The following PTGER3 variants were observed in gnomAD, a reference collection of about 807,000 sequenced individuals.
PTGER3 encodes prostaglandin E2 receptor EP3 subtype.
In PTGER3, 22 loss-of-function variants were observed where a neutral mutation model predicts 34.7. That is an observed-to-expected ratio of 0.63 (90% CI 0.45 to 0.91). The LOEUF (loss-of-function observed/expected upper bound fraction) is 0.91, where lower values mean the gene tolerates loss of function less well. Ranked by LOEUF, PTGER3 falls within the 40% of genes least tolerant of loss-of-function variation. The pLI, the probability that PTGER3 is intolerant of heterozygous loss-of-function variation, is 0.00. For synonymous variants in PTGER3, 241 were observed against 230.1 expected (o/e 1.05, Z -0.43); for missense variants, 468 against 519.4 (o/e 0.90, Z 0.96).
intron 4 of PTGER3, among the ~76,000 whole-genome samples, chr1:70,875,490 G>T (rs1487140707): frequency 6.6e-6 from 1 of 152,052 alleles, no homozygotes; most frequent in Non-Finnish European, 1.5e-5. Flanking sequence ...TTTATTTTAG[G>T]TTTAGAGGTA....
intron 4 of PTGER3, among the ~76,000 whole-genome samples, chr1:70,860,769 T>C (rs1645910685): frequency 6.6e-6 from 1 of 151,938 alleles, no homozygotes; most frequent in African/African-American, 2.4e-5. Flanking sequence ...GAAAAGACCA[T>C]GAAAGAGAAC....
chr1:70,957,730 G>A (rs971206887), intron 2 of PTGER3, among the ~76,000 whole-genome samples: 3 of 151,976 alleles, frequency 2.0e-5, no homozygotes, highest in Non-Finnish European at 4.4e-5. Context: ...TAGCTATCTT[G>A]AATATGTAGT....
intron 4 of PTGER3, among the ~76,000 whole-genome samples, chr1:70,878,079 C>T (rs938570743): frequency 1.3e-5 from 2 of 151,978 alleles, no homozygotes; most frequent in East Asian, 1.9e-4. Context: ...TGGTAGAATT[C>T]GGCTGTGAAT....
At chr1:70,893,887 A>T (rs1646670062) in intron 4 of PTGER3, among the ~76,000 whole-genome samples, 1 of 152,188 alleles carries the variant, frequency 6.6e-6, no homozygotes. Context: ...CATTTTCTTA[A>T]ATCCAACAAT....
At chr1:70,960,025 C>T (rs1232570525) in intron 2 of PTGER3, among the ~76,000 whole-genome samples, 2 of 152,092 alleles carry the variant, frequency 1.3e-5, no homozygotes, top group Non-Finnish European at 1.5e-5. Context: ...TCAGGGAGAA[C>T]ACTATGTGAA....
At chr1:70,913,464 G>T (rs1386008239) in intron 4 of PTGER3, among the ~76,000 whole-genome samples, 1 of 151,794 alleles carries the variant, frequency 6.6e-6, no homozygotes, top group Non-Finnish European at 1.5e-5. Flanking sequence ...TTAAATGCCT[G>T]ATCTGTATTC....
At chr1:70,881,938 C>A (rs1459597269) in intron 4 of PTGER3, among the ~76,000 whole-genome samples, 1 of 152,140 alleles carries the variant, frequency 6.6e-6, no homozygotes, top group Non-Finnish European at 1.5e-5. Flanking sequence ...CTATGAGAGG[C>A]AGGGGTAGGT....
chr1:70,858,114 A>T (rs953407663), intron 4 of PTGER3, among the ~76,000 whole-genome samples: 6 of 152,162 alleles, frequency 3.9e-5, no homozygotes, highest in African/African-American at 1.4e-4. Flanking sequence ...AGTTCACTTA[A>T]TCTCTATAGT....
At chr1:70,973,214 AGATAGAT>A (rs1283132543) in intron 3 of PTGER3, among the ~76,000 whole-genome samples, 3 of 130,100 alleles carry the variant, frequency 2.3e-5, no homozygotes, top group East Asian at 4.8e-4. Flanking sequence ...ATAGATAGAT[AGATAGAT>A]GATAGATAGA....
intron 4 of PTGER3, among the ~76,000 whole-genome samples, chr1:70,896,972 A>G (rs1646733955): frequency 6.6e-6 from 1 of 151,984 alleles, no homozygotes; most frequent in African/African-American, 2.4e-5. Flanking sequence ...AACTCTAGGC[A>G]CTCCTTGTAT....
intron 1 of PTGER3, among the ~76,000 whole-genome samples, chr1:71,034,500 T>C (rs1219745121): frequency 6.6e-6 from 1 of 152,222 alleles, no homozygotes; most frequent in Non-Finnish European, 1.5e-5. Context: ...ACATTGCTAA[T>C]ATAATTGTTG....
chr1:70,895,148 A>G (rs895982030), intron 4 of PTGER3, among the ~76,000 whole-genome samples: 1 of 152,232 alleles, frequency 6.6e-6, no homozygotes, highest in Non-Finnish European at 1.5e-5. Flanking sequence ...ATTTAACAAA[A>G]GAAATGACAA....
intron 2 of PTGER3, chr1:71,010,008 A>C (rs1657302336): frequency 1.0e-6 from 1 of 984,986 alleles, no homozygotes; most frequent in Non-Finnish European, 1.2e-6. Context: ...CATTTACATA[A>C]TTTCTTTGTT....
intron 1 of PTGER3, 33 bp downstream of exon 1, chr1:71,046,648 A>C: frequency 6.6e-7 from 1 of 1,514,264 alleles, no homozygotes; most frequent in South Asian, 1.3e-5. Context: ...TCGCACACGC[A>C]TCCTGACTTC....
intron 4 of PTGER3, among the ~76,000 whole-genome samples, chr1:70,864,491 T>C (rs962049413): frequency 6.6e-6 from 1 of 152,192 alleles, no homozygotes; most frequent in Non-Finnish European, 1.5e-5. Context: ...AAAATCAGCA[T>C]GACTCAGGGA....
Position 70,984,485 on chromosome 1 carries a change from T to G in PTGER3, c.1078-10097A>C, listed in dbSNP as rs562519104. The stretch of plus-strand genomic sequence containing the variant: ...TAAGGGTAACTCTGCAAGGCCAAGG[T>G]GGGAGGATCACTTGAGGCCAGGAAT... On this transcript the variant is annotated intron_variant, in intron 2 of 3. Coordinates refer to ENST00000306666, the MANE Select transcript of PTGER3 (RefSeq NM_198719.2). 5.5e-4 allele frequency among the ~76,000 whole-genome samples: 84 copies of G among 151,948 alleles called. No individual in the cohort carries two copies. In the Middle Eastern group the frequency reaches 0.014, roughly 25 times the overall value.
chr1:70,856,089 T>G (rs1645796445), intron 4 of PTGER3, among the ~76,000 whole-genome samples: 1 of 152,104 alleles, frequency 6.6e-6, no homozygotes, highest in South Asian at 2.1e-4. Flanking sequence ...TTATGCTAGT[T>G]TTTTCACTTC....
At chr1:70,899,618 G>A (rs771943087) in intron 4 of PTGER3, among the ~76,000 whole-genome samples, 45 of 152,126 alleles carry the variant, frequency 3.0e-4, no homozygotes, top group Middle Eastern at 6.8e-3. Flanking sequence ...TACTCTGCAG[G>A]ATTTTACTCT....
intron 4 of PTGER3, among the ~76,000 whole-genome samples, chr1:70,861,992 A>G (rs887268696): frequency 2.0e-5 from 3 of 151,872 alleles, no homozygotes; most frequent in African/African-American, 4.8e-5. Context: ...TATTTCCAGT[A>G]TCTAGCACTT....
Sources: gnomAD v4.1 joint callset for allele counts (sites outside exome capture counted in the v4.1 genomes callset) on GRCh38, gnomAD v4.1.1 for gene constraint, MANE v1.5 for transcripts, NCBI Gene and HGNC (gene_info 2026-07-23, HGNC 2026-07-21) for gene names.